MN1: variants seen among roughly 807,000 people sequenced by gnomAD.
The protein encoded by MN1 is transcriptional activator MN1.
MN1 carries 19 observed loss-of-function variants against 86.9 expected under a neutral mutation model. That is an observed-to-expected ratio of 0.22 (90% CI 0.15 to 0.32). The LOEUF is 0.32. Among genes scored for constraint, MN1 ranks in the 10% least tolerant of loss-of-function variants. The pLI, the probability that MN1 is intolerant of heterozygous loss-of-function variation, is 1.00. For synonymous variants in MN1, 928 were observed against 849.6 expected (o/e 1.09, Z -1.60); for missense variants, 1,841 against 1,862.0 (o/e 0.99, Z 0.21).
intron 1 of MN1, among the ~76,000 whole-genome samples, chr22:27,763,097 A>C (rs1472506965): frequency 6.6e-6 from 1 of 152,196 alleles, no homozygotes; most frequent in Admixed American, 6.5e-5. Flanking sequence ...CTTATCTCAA[A>C]AAAACAAAAC....
chr22:27,795,720 T>TAC lies in MN1; in HGVS notation c.3781+1042_3781+1043insGT, dbSNP rs758270689. On this transcript the variant is annotated intron_variant, in intron 1 of 1. Transcript: ENST00000302326. ...ACATACCTATATATACACCTATATA[T>TAC]ATACACACACACACACACACGCACT... Among the ~76,000 whole-genome samples, 33 of 141,480 alleles carry TAC rather than the reference T, an allele frequency of 2.3e-4. No homozygotes were observed. In the East Asian group the frequency reaches 2.6e-3, roughly 11 times the overall value. 92.8% of individuals were successfully genotyped at this position (141,480 alleles called of 152,430 possible). A position where few individuals can be genotyped will look rare whatever the true frequency, so the allele number is the denominator to read the frequency against.
intron 1 of MN1, among the ~76,000 whole-genome samples, chr22:27,756,744 TTTG>T (rs1284846448): frequency 2.0e-5 from 3 of 152,016 alleles, no homozygotes; most frequent in Admixed American, 1.3e-4. Flanking sequence ...TTATCATTCT[TTTG>T]TTGTTGTTGT....
At chr22:27,756,258 G>A (rs1349038250) in intron 1 of MN1, among the ~76,000 whole-genome samples, 1 of 152,204 alleles carries the variant, frequency 6.6e-6, no homozygotes, top group Non-Finnish European at 1.5e-5. Context: ...CCCATAGAGG[G>A]GGCCGAGTTT....
At chr22:27,795,722 T>TAC (rs138609901) in intron 1 of MN1, among the ~76,000 whole-genome samples, 36,581 of 150,524 alleles carry the variant, frequency 0.24, 4,527 homozygotes, top group Middle Eastern at 0.3. Flanking sequence ...CCTATATATA[T>TAC]ACACACACAC....
chr22:27,797,649 A>G lies in MN1; in HGVS notation c.2895T>C (p.Ala965=), dbSNP rs2146315922. 6.2e-7 allele frequency: 1 copy of G among 1,600,040 alleles called. No individual in the cohort carries two copies. Among genetic ancestry groups the G allele is most frequent in the Non-Finnish European group, 8.5e-7 (1 of 1,173,648 alleles). Residue 965 remains alanine (A), a synonymous_variant, in exon 1 of 2, where the codon GCT becomes GCC. Transcript: ENST00000302326. The stretch of plus-strand genomic sequence containing the variant: ...CCCCAGGTGCGCCCCCGCTGTCCGG[A>G]GCCGCCGAGTACTTGTCAAAGAAGG... ...PGTFFDKYSA[A]PDSGGAPGVS...
At position 27,752,149 on chromosome 22, in the gene MN1, C is replaced by T. The variant is rs981990949; in HGVS notation, c.3782-1053G>A. Among the ~76,000 whole-genome samples the T allele has an allele frequency of 3.2e-4, 49 of 152,120 alleles. 1 individual carries two copies. Among genetic ancestry groups the T allele is most frequent in the Non-Finnish European group, 7.3e-5 (5 of 68,034 alleles). On this transcript the variant is annotated intron_variant, in intron 1 of 1. Transcript: ENST00000302326. ...CTCCAACCTAATGGCTGAGAGAATCCAGTTGTAGCTCCGCAAAGGGACCCG... is the reference window on the plus strand; with the variant it reads ...CTCCAACCTAATGGCTGAGAGAATCTAGTTGTAGCTCCGCAAAGGGACCCG...
At chr22:27,782,920 C>T (rs1337900900) in intron 1 of MN1, among the ~76,000 whole-genome samples, 1 of 152,022 alleles carries the variant, frequency 6.6e-6, no homozygotes, top group Admixed American at 6.6e-5. Flanking sequence ...GGAAAGAAAG[C>T]TGGGAGCAGT....
chr22:27,775,156 A>G (rs753122821), intron 1 of MN1, among the ~76,000 whole-genome samples: 2 of 152,168 alleles, frequency 1.3e-5, no homozygotes, highest in Non-Finnish European at 2.9e-5. Context: ...CTCCTCATCT[A>G]TAAAATGGGT....
chr22:27,765,642 C>T (rs1045087550), intron 1 of MN1, among the ~76,000 whole-genome samples: 3 of 152,212 alleles, frequency 2.0e-5, no homozygotes, highest in Non-Finnish European at 2.9e-5. Flanking sequence ...AGACAGTGAC[C>T]GGCCGGGCAA....
At chr22:27,769,748 G>C (rs372428008) in intron 1 of MN1, among the ~76,000 whole-genome samples, 1 of 151,196 alleles carries the variant, frequency 6.6e-6, no homozygotes, top group Non-Finnish European at 1.5e-5. Context: ...TAGAGACGGG[G>C]TTTCACCGCG....
At chr22:27,795,070 G>A (rs927394559) in intron 1 of MN1, among the ~76,000 whole-genome samples, 34 of 131,872 alleles carry the variant, frequency 2.6e-4, no homozygotes, top group Admixed American at 1.8e-3. Context: ...AAAAGGGGGG[G>A]AAAAAAGGGA....
At chr22:27,778,209 G>A (rs1212879629) in intron 1 of MN1, among the ~76,000 whole-genome samples, 2 of 152,226 alleles carry the variant, frequency 1.3e-5, no homozygotes, top group African/African-American at 4.8e-5. Context: ...GGTATATGGG[G>A]CCAGGGTATT....
In MN1 at chr22:27,749,967, C is replaced by CGG. The variant is rs1932748209; in HGVS notation, c.*946_*947dup. 2 of 232,086 alleles carry CGG rather than the reference C, an allele frequency of 8.6e-6. No individual in the cohort carries two copies. 14.4% of individuals were successfully genotyped at this position (232,086 alleles called of 1,614,324 possible). On this transcript the variant is annotated 3_prime_UTR_variant, in exon 2 of 2. Transcript: ENST00000302326. ...TCCTCCAACTCCAGCACCCAAGGCA[C>CGG]GGGCAGCAGCCTTGCTCCAAAGACT... is the stretch of plus-strand genomic sequence containing the variant.
chr22:27,792,861 T>G (rs184454843), intron 1 of MN1, among the ~76,000 whole-genome samples: 5 of 152,170 alleles, frequency 3.3e-5, no homozygotes, highest in African/African-American at 1.2e-4. Context: ...AGGAAAACAG[T>G]GCTTTGCTCT....
At chr22:27,795,722 T>TATAC (rs1555883694) in intron 1 of MN1, among the ~76,000 whole-genome samples, 13 of 150,620 alleles carry the variant, frequency 8.6e-5, no homozygotes, top group African/African-American at 2.9e-4. Context: ...CCTATATATA[T>TATAC]ACACACACAC....
chr22:27,750,781 G>GAAA lies in MN1; in HGVS notation c.*131_*133dup, dbSNP rs377485634. 60 of 497,820 alleles carry GAAA rather than the reference G, an allele frequency of 1.2e-4. No individual in the cohort carries two copies. The highest frequency in any genetic ancestry group is 2.9e-4 in the East Asian group (7 of 24,194). 30.8% of individuals were successfully genotyped at this position (497,820 alleles called of 1,614,324 possible). A position where few individuals can be genotyped will look rare whatever the true frequency, so the allele number is the denominator to read the frequency against. ...GCCACTAAGCAGGTACCAACCTAGA[G>GAAA]AAAAAAAAAAAACTCATCCACTCAG... On this transcript the variant is annotated 3_prime_UTR_variant, in exon 2 of 2. Transcript: ENST00000302326.
Position 27,798,854 on chromosome 22 carries a change from G to T in MN1, c.1690C>A (p.Arg564=). 1 of 1,543,130 alleles carries T rather than the reference G, an allele frequency of 6.5e-7. No individual in the cohort carries two copies. The part of the protein sequence containing the change: ...AALMIKQMAS[R]NQQQRLRQPN... ...TGGCGCAGCCGCTGCTGCTGATTCC[G>T]CGACGCCATCTGCTTAATCATGAGG... is the stretch of plus-strand genomic sequence containing the variant. Residue 564 remains arginine, a synonymous_variant, in exon 1 of 2, where the codon CGG becomes AGG. Coordinates refer to ENST00000302326, the MANE Select transcript of MN1 (RefSeq NM_002430.3).
chr22:27,781,319 G>C (rs1933050638), intron 1 of MN1, among the ~76,000 whole-genome samples: 1 of 152,220 alleles, frequency 6.6e-6, no homozygotes, highest in Non-Finnish European at 1.5e-5. Flanking sequence ...GCCTGGAAAG[G>C]AGAGTAGTGA....
chr22:27,755,447 G>T (rs1055182998), intron 1 of MN1, among the ~76,000 whole-genome samples: 1 of 152,176 alleles, frequency 6.6e-6, no homozygotes, highest in African/African-American at 2.4e-5. Flanking sequence ...GGGCATGCCT[G>T]CCCAGCAAGG....
Sources: gnomAD v4.1 joint callset for allele counts (sites outside exome capture counted in the v4.1 genomes callset) on GRCh38, gnomAD v4.1.1 for gene constraint, MANE v1.5 for transcripts, NCBI Gene and HGNC (gene_info 2026-07-23, HGNC 2026-07-21) for gene names.